Variants in THSD4 observed in about 807,000 individuals in gnomAD.
The protein encoded by THSD4 is thrombospondin type-1 domain-containing protein 4.
THSD4 carries 69 observed loss-of-function variants against 119.0 expected under a neutral mutation model. The ratio of observed to expected loss-of-function variants is 0.58; its 90% CI spans 0.48 to 0.71. The LOEUF is 0.71. Ranked by LOEUF, THSD4 falls within the 30% of genes least tolerant of loss-of-function variation. The pLI is 0.00. For missense variants in THSD4, 1,393 were observed against 1,391.1 expected (o/e 1.00, Z -0.02); for synonymous variants, 524 against 540.4 (o/e 0.97, Z 0.42).
At chr15:71,370,264 T>C (rs1247980570) in intron 6 of THSD4, among the ~76,000 whole-genome samples, 1 of 152,204 alleles carries the variant, frequency 6.6e-6, no homozygotes, top group Non-Finnish European at 1.5e-5. Flanking sequence ...TGAAGGGTTT[T>C]TTATGTCTCT....
chr15:71,326,687 AAAAAAAAAAAAAAATAT>A (rs1201111324), intron 6 of THSD4, among the ~76,000 whole-genome samples: 55 of 49,482 alleles, frequency 1.1e-3, no homozygotes, highest in African/African-American at 3.5e-3. Flanking sequence ...AAAAAAAAAA[AAAAAAAAAAAAAAATAT>A]ATATATATAT....
chr15:71,671,006 G>A (rs1470140281), intron 8 of THSD4, among the ~76,000 whole-genome samples: 2 of 152,148 alleles, frequency 1.3e-5, no homozygotes, highest in Admixed American at 6.5e-5. Context: ...AATCTTTTGG[G>A]TATATACCCA....
intron 8 of THSD4, among the ~76,000 whole-genome samples, chr15:71,719,554 A>AT (rs2052674099): frequency 6.6e-6 from 1 of 152,258 alleles, no homozygotes; most frequent in Admixed American, 6.5e-5. Flanking sequence ...TTAAACAGGA[A>AT]TATCCAGATG....
At chr15:71,576,478 C>T (rs2140907443) in intron 7 of THSD4, among the ~76,000 whole-genome samples, 1 of 152,312 alleles carries the variant, frequency 6.6e-6, no homozygotes, top group East Asian at 1.9e-4. Context: ...TACACGTCAC[C>T]TCCAGAAAGC....
At chr15:71,650,770 C>T (rs1036994961) in intron 7 of THSD4, among the ~76,000 whole-genome samples, 5 of 152,160 alleles carry the variant, frequency 3.3e-5, no homozygotes, top group African/African-American at 9.7e-5. Context: ...TTGGGGCTGA[C>T]GCCATTTTAG....
chr15:71,374,130 C>T (rs2046098672), intron 6 of THSD4, among the ~76,000 whole-genome samples: 1 of 152,182 alleles, frequency 6.6e-6, no homozygotes, highest in African/African-American at 2.4e-5. Flanking sequence ...GTGATGCAAA[C>T]ACATGTTTCT....
At chr15:71,226,117 T>A (rs1425622337) in intron 4 of THSD4, among the ~76,000 whole-genome samples, 1 of 152,140 alleles carries the variant, frequency 6.6e-6, no homozygotes, top group Non-Finnish European at 1.5e-5. Flanking sequence ...CTGGGTGGCC[T>A]ATGGGAGTCA....
rs574428391 is a variant in THSD4, at chr15:71,780,446, C to T, written c.*3072C>T. The T allele has an allele frequency of 8.4e-6, 2 of 236,960 alleles. No individual in the cohort carries two copies. Among genetic ancestry groups the T allele is most frequent in the South Asian group, 5.6e-5 (1 of 17,892 alleles). The allele number at this position is 236,960 out of a possible 1,614,324, so 14.7% of individuals were successfully genotyped here. On this transcript the variant is annotated 3_prime_UTR_variant, in exon 18 of 18. Transcript: ENST00000261862. ...CTAGGCAAAGGACATTTAGTACTAT[C>T]GATTCTTTCCACCCTCACGATGACT...
At chr15:71,526,923 A>T (rs1315657484) in intron 7 of THSD4, among the ~76,000 whole-genome samples, 1 of 152,228 alleles carries the variant, frequency 6.6e-6, no homozygotes, top group Non-Finnish European at 1.5e-5. Context: ...GCACAGTGTC[A>T]TGTCAAGTTA....
intron 6 of THSD4, among the ~76,000 whole-genome samples, chr15:71,300,140 C>A (rs2044928573): frequency 6.6e-6 from 1 of 150,918 alleles, no homozygotes; most frequent in Non-Finnish European, 1.5e-5. Flanking sequence ...CAGAGCAAGA[C>A]CTTGTCTCTT....
intron 7 of THSD4, among the ~76,000 whole-genome samples, chr15:71,422,379 G>T (rs1595752517): frequency 6.6e-6 from 1 of 152,312 alleles, no homozygotes; most frequent in East Asian, 1.9e-4. Context: ...TTTGGTCACT[G>T]CAGACGTATT....
chr15:71,249,460 C>T (rs756693259), intron 5 of THSD4, among the ~76,000 whole-genome samples: 1 of 146,886 alleles, frequency 6.8e-6, no homozygotes, highest in African/African-American at 2.5e-5. Context: ...GAATTGTTAA[C>T]AGTTGTCATT....
chr15:71,104,322 C>T (rs972845866), intron 1 of THSD4, among the ~76,000 whole-genome samples: 3 of 151,256 alleles, frequency 2.0e-5, no homozygotes, highest in African/African-American at 7.3e-5. Context: ...TGTTTCTCTT[C>T]GCTCACACAA....
intron 7 of THSD4, among the ~76,000 whole-genome samples, chr15:71,590,787 A>G (rs2049781299): frequency 6.6e-6 from 1 of 152,024 alleles, no homozygotes; most frequent in South Asian, 2.1e-4. Flanking sequence ...GCGGATCATG[A>G]GGTTAGGAGA....
chr15:71,487,300 G>A (rs760893892), intron 7 of THSD4, among the ~76,000 whole-genome samples: 18 of 152,322 alleles, frequency 1.2e-4, no homozygotes, highest in South Asian at 2.1e-4. Flanking sequence ...TCCCACTGTT[G>A]TAAGCAGGCA....
chr15:71,487,835 A>G (rs922948508), intron 7 of THSD4, among the ~76,000 whole-genome samples: 1 of 152,184 alleles, frequency 6.6e-6, no homozygotes, highest in Non-Finnish European at 1.5e-5. Context: ...GTTTATAAAT[A>G]TGAAAGTTAT....
At chr15:71,300,416 C>A (rs2044932497) in intron 6 of THSD4, among the ~76,000 whole-genome samples, 1 of 152,120 alleles carries the variant, frequency 6.6e-6, no homozygotes, top group African/African-American at 2.4e-5. Flanking sequence ...GTTAGGTTTT[C>A]TTAACGTTCA....
At chr15:71,608,633 T>C (rs561615407) in intron 7 of THSD4, among the ~76,000 whole-genome samples, 1 of 152,346 alleles carries the variant, frequency 6.6e-6, no homozygotes, top group African/African-American at 2.4e-5. Flanking sequence ...GTTTCCATTA[T>C]TGGAGTGACT....
At chr15:71,477,965 TG>T (rs66679340) in intron 7 of THSD4, among the ~76,000 whole-genome samples, 116,835 of 151,960 alleles carry the variant, frequency 0.77, 45,098 homozygotes, top group Admixed American at 0.8. Context: ...TCCCCAAGGA[TG>T]GGGAGGTGGT....
Sources: allele counts gnomAD v4.1 joint callset (sites outside exome capture counted in the v4.1 genomes callset), GRCh38; gene constraint gnomAD v4.1.1; transcripts MANE v1.5; gene names NCBI Gene and HGNC (gene_info 2026-07-23, HGNC 2026-07-21).